The following RGSL1 variants were observed in gnomAD, a reference collection of about 807,000 sequenced individuals.
RGSL1 encodes regulator of G protein signaling protein-like.
RGSL1 carries 97 observed loss-of-function variants against 124.7 expected under a neutral mutation model. The observed-to-expected ratio is 0.78, with a 90% confidence interval of 0.66 to 0.92. The LOEUF (loss-of-function observed/expected upper bound fraction) is 0.92. Ranked by LOEUF, RGSL1 falls within the 40% of genes least tolerant of loss-of-function variation. The probability of loss-of-function intolerance (pLI) is 0.00; values close to 1 mark genes in which losing one functional copy is unlikely to be tolerated. For synonymous variants in RGSL1, 424 were observed against 438.1 expected (o/e 0.97, Z 0.40); for missense variants, 1,233 against 1,288.4 (o/e 0.96, Z 0.66).
intron 4 of RGSL1, chr1:182,460,672 A>G (rs1465351023): frequency 8.8e-6 from 4 of 455,700 alleles, no homozygotes; most frequent in Middle Eastern, 3.2e-4. Context: ...TGCTGGAGGG[A>G]CTCCCAGGAA....
chr1:182,540,142 A>G, intron 14 of RGSL1, 105 bp from the exon 15 acceptor site: 1 of 1,181,208 alleles, frequency 8.5e-7, no homozygotes, highest in Non-Finnish European at 1.1e-6. Flanking sequence ...CAGTAGGCCA[A>G]AAGGATGGAT....
chr1:182,550,900 G>A, intron 17 of RGSL1, 200 bp from the exon 18 acceptor site: 1 of 566,454 alleles, frequency 1.8e-6, no homozygotes, highest in Non-Finnish European at 3.1e-6. Flanking sequence ...GGCCCGCGCT[G>A]GAGCCAGGTC....
At chr1:182,547,589 C>T (rs1406802065) in intron 15 of RGSL1, among the ~76,000 whole-genome samples, 8 of 152,140 alleles carry the variant, frequency 5.3e-5, no homozygotes, top group Admixed American at 2.0e-4. Flanking sequence ...CAGCAGGGTG[C>T]GGTGGCTCAT....
chr1:182,450,647 A>G (rs1256615851), intron 1 of RGSL1: 10 of 209,906 alleles, frequency 4.8e-5, no homozygotes, highest in Non-Finnish European at 4.0e-5. Context: ...CCTTGTCTCT[A>G]TATCTCCTTA....
At chr1:182,518,727 G>T (rs890869984) in intron 9 of RGSL1, among the ~76,000 whole-genome samples, 3 of 152,154 alleles carry the variant, frequency 2.0e-5, no homozygotes, top group Non-Finnish European at 4.4e-5. Flanking sequence ...GCGGGGAGGG[G>T]TATCTCAGAT....
chr1:182,522,526 G>A (rs1658425006), intron 10 of RGSL1, among the ~76,000 whole-genome samples: 1 of 151,946 alleles, frequency 6.6e-6, no homozygotes, highest in Non-Finnish European at 1.5e-5. Flanking sequence ...CCTCCTAACT[G>A]GTTCCTTACT....
At chr1:182,515,720 G>A (rs1426920777) in intron 9 of RGSL1, among the ~76,000 whole-genome samples, 1 of 152,180 alleles carries the variant, frequency 6.6e-6, no homozygotes, top group Non-Finnish European at 1.5e-5. Context: ...AGCTGGCTAC[G>A]CAGGGTGCCA....
chr1:182,521,307 G>T (rs1421065634), intron 9 of RGSL1, among the ~76,000 whole-genome samples: 1 of 152,192 alleles, frequency 6.6e-6, no homozygotes, highest in East Asian at 1.9e-4. Flanking sequence ...CCAGCCTCAA[G>T]TGATCCTCCC....
At chr1:182,510,272 G>C (rs868179646) in intron 9 of RGSL1, among the ~76,000 whole-genome samples, 1 of 37,686 alleles carries the variant, frequency 2.7e-5, no homozygotes, top group Non-Finnish European at 6.1e-5. Flanking sequence ...CTTCCCAGAC[G>C]GGGTGGCGGC....
At chr1:182,462,855 C>A (rs1652957727) in intron 4 of RGSL1, among the ~76,000 whole-genome samples, 1 of 151,962 alleles carries the variant, frequency 6.6e-6, no homozygotes, top group Admixed American at 6.6e-5. Flanking sequence ...AGAATTTACA[C>A]AAAAGGAAAT....
At chr1:182,483,862 T>C (rs1185540327) in intron 6 of RGSL1, among the ~76,000 whole-genome samples, 1 of 152,076 alleles carries the variant, frequency 6.6e-6, no homozygotes, top group Non-Finnish European at 1.5e-5. Flanking sequence ...GTTGTAACTG[T>C]AATTCTACCC....
intron 9 of RGSL1, among the ~76,000 whole-genome samples, chr1:182,508,676 T>G (rs1353329209): frequency 2.9e-3 from 17 of 5,826 alleles, no homozygotes; most frequent in Non-Finnish European, 0.013. Context: ...CTATTTGTTT[T>G]TTTTTTTTTT....
chr1:182,553,545 A>G lies in RGSL1; in HGVS notation c.3130+4A>G. The G allele has an allele frequency of 1.9e-6, 3 of 1,551,502 alleles. No individual in the cohort carries two copies. The highest frequency in any genetic ancestry group is 2.6e-6 in the Non-Finnish European group (3 of 1,146,770). On this transcript the variant is annotated splice_donor_region_variant and intron_variant, in intron 19 of 21. Transcript: ENST00000294854. The stretch of plus-strand genomic sequence containing the variant: ...GCAATAAGTTCAGTTCAAAATTGTG[A>G]GTTGGAATTGGATCCCCACTGATAG...
At chr1:182,530,744 T>C in intron 12 of RGSL1, 46 bp from the exon 13 acceptor site, 1 of 1,481,050 alleles carries the variant, frequency 6.8e-7, no homozygotes, top group Non-Finnish European at 9.0e-7. Flanking sequence ...ATCTTTTATG[T>C]GCCAGGTTTT....
In RGSL1 at chr1:182,556,167, G is replaced by C. The variant is rs920288652; in HGVS notation, c.*110G>C. On this transcript the variant is annotated 3_prime_UTR_variant, in exon 21 of 22. Transcript: ENST00000294854. ...TCCTGGTACCATCTTCCCCAGAAAC[G>C]ATCAAGAAGGGCAATGGGTTGACAG... The C allele has an allele frequency of 1.0e-5, 11 of 1,091,108 alleles. No individual in the cohort carries two copies. The highest frequency in any genetic ancestry group is 1.5e-5 in the Non-Finnish European group (11 of 755,604). The allele number at this position is 1,091,108 out of a possible 1,614,324, so 67.6% of individuals were successfully genotyped here.
At chr1:182,532,294 A>G (rs1571671991) in intron 13 of RGSL1, among the ~76,000 whole-genome samples, 1 of 151,990 alleles carries the variant, frequency 6.6e-6, no homozygotes, top group Non-Finnish European at 1.5e-5. Context: ...AATGTTTCCA[A>G]ATTTGCCTGA....
At chr1:182,548,872 T>C in intron 17 of RGSL1, 48 bp downstream of exon 17, 2 of 1,544,052 alleles carry the variant, frequency 1.3e-6, no homozygotes, top group Non-Finnish European at 1.7e-6. Context: ...GAAAACACAC[T>C]TAGTTTGGAG....
intron 6 of RGSL1, among the ~76,000 whole-genome samples, chr1:182,478,537 A>G (rs1010868139): frequency 6.6e-6 from 1 of 152,166 alleles, no homozygotes; most frequent in Non-Finnish European, 1.5e-5. Context: ...GAACTCAAAG[A>G]CAGATCATTT....
At chr1:182,513,337 C>T (rs1329860459) in intron 9 of RGSL1, among the ~76,000 whole-genome samples, 3 of 151,960 alleles carry the variant, frequency 2.0e-5, no homozygotes, top group Non-Finnish European at 4.4e-5. Context: ...GGTTGCCTGA[C>T]CATTTGGAGT....
Sources: allele counts gnomAD v4.1 joint callset (sites outside exome capture counted in the v4.1 genomes callset), GRCh38; gene constraint gnomAD v4.1.1; transcripts MANE v1.5; gene names NCBI Gene and HGNC (gene_info 2026-07-23, HGNC 2026-07-21).